Variants in PHEX observed in about 807,000 individuals in gnomAD.
The protein encoded by PHEX is phosphate regulating endopeptidase X-linked, also known as phosphate-regulating neutral endopeptidase PHEX.
Under a neutral mutation model 68.0 loss-of-function variants are expected in PHEX, and 16 were observed. That is an observed-to-expected ratio of 0.24 (90% CI 0.16 to 0.36). The LOEUF is 0.36. PHEX is among the 10% of genes least tolerant of loss of function. The pLI, the probability that PHEX is intolerant of heterozygous loss-of-function variation, is 1.00. For missense variants in PHEX, 480 were observed against 575.5 expected, an observed-to-expected ratio of 0.83 and a Z score of 1.70; for synonymous variants, 208 against 205.1, an observed-to-expected ratio of 1.01 and a Z score of -0.12.
chrX:22,075,285 C>CTTTTTTTT (rs1164944990), intron 3 of PHEX, among the ~76,000 whole-genome samples: 5 of 62,349 alleles, frequency 8.0e-5, no homozygotes, highest in African/African-American at 1.2e-4. Flanking sequence ...CTCTGGGTTG[C>CTTTTTTTT]TTTTTTTTTT....
intron 3 of PHEX, among the ~76,000 whole-genome samples, chrX:22,049,120 T>C (rs957191949): frequency 7.1e-5 from 8 of 111,912 alleles, no homozygotes; most frequent in Non-Finnish European, 1.5e-4. Context: ...TTTCTTTCCT[T>C]TTCTCTTTTC....
At chrX:22,236,786 A>C (rs1417360753) in intron 20 of PHEX, among the ~76,000 whole-genome samples, 1 of 85,169 alleles carries the variant, frequency 1.2e-5, no homozygotes, top group African/African-American at 5.2e-5. Flanking sequence ...AGGACAAAGT[A>C]TAGTGATCTA....
In PHEX at chrX:22,090,432, G is replaced by T; in HGVS notation, c.667G>T (p.Asp223Tyr). The change falls in exon 6 of 22, where the codon GAC becomes TAC. Residue 223 changes from aspartate (D) to tyrosine (Y), a missense_variant. By Grantham distance (160) the Asp-to-Tyr change is radical (BLOSUM62 -3). Coordinates refer to ENST00000379374, the MANE Select transcript of PHEX (RefSeq NM_000444.6). ...KASNEHILKL[D>Y]QATLSLAVRE... ...CTTTCTGTTTTTGTTTTTACAGCTGGACCAAGCAACACTCTCCCTGGCCGT... is the reference window on the plus strand; with the variant it reads ...CTTTCTGTTTTTGTTTTTACAGCTGTACCAAGCAACACTCTCCCTGGCCGT... 1 of 1,206,365 alleles carries T rather than the reference G, an allele frequency of 8.3e-7. No individual in the cohort carries two copies. Among genetic ancestry groups the T allele is most frequent in the Non-Finnish European group, 1.1e-6 (1 of 890,720 alleles).
At chrX:22,238,886 G>A (rs1936081061) in intron 20 of PHEX, among the ~76,000 whole-genome samples, 1 of 112,011 alleles carries the variant, frequency 8.9e-6, no homozygotes, top group African/African-American at 3.2e-5. Flanking sequence ...CTAAGGGTCA[G>A]ACTGCCTCCT....
At chrX:22,047,265 G>A in intron 3 of PHEX, 54 bp downstream of exon 3, 1 of 1,013,702 alleles carries the variant, frequency 9.9e-7, no homozygotes, top group Non-Finnish European at 1.4e-6. Flanking sequence ...ATATTTGACA[G>A]GAAAAACATA....
chrX:22,036,217 G>A (rs751332033), intron 1 of PHEX, among the ~76,000 whole-genome samples: 14 of 106,998 alleles, frequency 1.3e-4, no homozygotes, highest in South Asian at 8.4e-4. Flanking sequence ...GCACCACCAC[G>A]CCCAGCTAAG....
At chrX:22,073,638 T>G (rs993247554) in intron 3 of PHEX, among the ~76,000 whole-genome samples, 4 of 89,885 alleles carry the variant, frequency 4.5e-5, no homozygotes, top group Admixed American at 2.4e-4. Flanking sequence ...TGCTATAGTT[T>G]TTTTTTTTTT....
At chrX:22,100,763 T>G (rs1209347675) in intron 9 of PHEX, among the ~76,000 whole-genome samples, 1 of 112,134 alleles carries the variant, frequency 8.9e-6, no homozygotes. Flanking sequence ...TTTACTCTGA[T>G]TCTTGTCAAA....
rs188703546 is a variant in PHEX, at chrX:22,210,574, T to G, written c.1646-2330T>G. Among the ~76,000 whole-genome samples the G allele has an allele frequency of 1.5e-3, 172 of 111,674 alleles. 1 individual carries two copies. The highest frequency in any genetic ancestry group is 5.3e-3 in the African/African-American group (164 of 30,765). On this transcript the variant is annotated intron_variant, in intron 15 of 21. Transcript: ENST00000379374. The stretch of plus-strand genomic sequence containing the variant: ...GATTTGCATTTATTTGTAATATATA[T>G]TTGCATATGTATATATATCTGAGTG...
chrX:22,221,684 A>G lies in PHEX; in HGVS notation c.1840A>G (p.Lys614Glu). The G allele has an allele frequency of 8.3e-7, 1 of 1,201,204 alleles. No homozygotes were observed. Among genetic ancestry groups the G allele is most frequent in the Non-Finnish European group, 1.1e-6 (1 of 885,437 alleles). ...TGAATCAGAAGAAAAGTTTAAGGAA[A>G]AAACAAAATGCATGATTAACCAGTA... The part of the protein sequence containing the change: ...STESEEKFKE[K>E]TKCMINQYSN... Residue 614 changes from lysine (K) to glutamate (E), a missense_variant, in exon 18 of 22, where the codon AAA becomes GAA. Lys to Glu is a moderately conservative substitution (Grantham distance 56). Coordinates refer to ENST00000379374, the MANE Select transcript of PHEX (RefSeq NM_000444.6).
chrX:22,229,320 G>A (rs938700040), intron 20 of PHEX, among the ~76,000 whole-genome samples: 7 of 111,896 alleles, frequency 6.3e-5, no homozygotes, highest in Non-Finnish European at 1.3e-4. Flanking sequence ...TCGCCACACT[G>A]TCTTCCACAA....
chrX:22,126,160 T>A (rs1569402750), intron 11 of PHEX, among the ~76,000 whole-genome samples: 1 of 112,458 alleles, frequency 8.9e-6, no homozygotes, highest in African/African-American at 3.2e-5. Flanking sequence ...AGCAGAATAC[T>A]TTTTTGTTTG....
intron 15 of PHEX, among the ~76,000 whole-genome samples, chrX:22,212,112 A>G (rs1380845132): frequency 8.9e-6 from 1 of 111,838 alleles, no homozygotes; most frequent in Non-Finnish European, 1.9e-5. Context: ...CAGGGAAGTA[A>G]CAGGTATAAG....
chrX:22,164,723 G>T (rs1056646035), intron 12 of PHEX, among the ~76,000 whole-genome samples: 2 of 111,134 alleles, frequency 1.8e-5, no homozygotes, highest in Admixed American at 9.6e-5. Flanking sequence ...TTCTTTACTT[G>T]CTATAGTTAT....
intron 14 of PHEX, 73 bp downstream of exon 14, chrX:22,178,449 T>C (rs182505481): frequency 3.2e-6 from 2 of 625,622 alleles, no homozygotes; most frequent in Admixed American, 2.6e-5. Context: ...GATTAAACTT[T>C]GTAATTCCCC....
At chrX:22,124,204 G>T (rs1389760898) in intron 11 of PHEX, among the ~76,000 whole-genome samples, 2 of 111,614 alleles carry the variant, frequency 1.8e-5, no homozygotes, top group Non-Finnish European at 3.8e-5. Context: ...ATATCATCCG[G>T]TCCCAATCGT....
In PHEX at chrX:22,043,350, A is replaced by C. The variant is rs1261807911; in HGVS notation, c.188-3700A>C. ...TTCTAAAAGGTGGTTGTTTATCAGAAATTCAGACTTCACTGGGCATCATGC... is the reference window on the plus strand; with the variant it reads ...TTCTAAAAGGTGGTTGTTTATCAGACATTCAGACTTCACTGGGCATCATGC... On this transcript the variant is annotated intron_variant, in intron 2 of 21. Coordinates refer to ENST00000379374, the MANE Select transcript of PHEX (RefSeq NM_000444.6). Among the ~76,000 whole-genome samples, 3 of 112,591 alleles carry C rather than the reference A, an allele frequency of 2.7e-5. No homozygotes were observed. In the South Asian group the frequency reaches 1.1e-3, roughly 41 times the overall value.
chrX:22,154,079 TACCTGAGGC>T (rs1434671979), intron 12 of PHEX, among the ~76,000 whole-genome samples: 1 of 110,670 alleles, frequency 9.0e-6, no homozygotes, highest in Non-Finnish European at 1.9e-5. Context: ...GAATTGCAAG[TACCTGAGGC>T]ACGTTAGAAA....
At chrX:22,141,491 T>C (rs1426675878) in intron 12 of PHEX, among the ~76,000 whole-genome samples, 4 of 111,123 alleles carry the variant, frequency 3.6e-5, no homozygotes, top group African/African-American at 1.3e-4. Flanking sequence ...GAATTTCTAG[T>C]CAGTTAATTT....
Sources: allele counts gnomAD v4.1 joint callset (sites outside exome capture counted in the v4.1 genomes callset), GRCh38; gene constraint gnomAD v4.1.1; transcripts MANE v1.5; gene names NCBI Gene and HGNC (gene_info 2026-07-23, HGNC 2026-07-21).